The following SMIM31 variants were observed in gnomAD, a reference collection of about 807,000 sequenced individuals.
SMIM31 encodes small integral membrane protein 31.
intron 1 of SMIM31, among the ~76,000 whole-genome samples, chr4:164,757,489 T>G (rs541006966): frequency 1.3e-4 from 20 of 152,204 alleles, no homozygotes; most frequent in African/African-American, 4.1e-4. Context: ...AGTCTTTTTT[T>G]TACCATTAAG....
At chr4:164,772,732 C>G (rs866556600) in intron 2 of SMIM31, among the ~76,000 whole-genome samples, 208 of 151,830 alleles carry the variant, frequency 1.4e-3, no homozygotes, top group Middle Eastern at 0.014. Flanking sequence ...GCGCCCGCCA[C>G]CACGCCCGGC....
intron 1 of SMIM31, among the ~76,000 whole-genome samples, chr4:164,767,874 A>G (rs1393538908): frequency 6.6e-6 from 1 of 152,144 alleles, no homozygotes; most frequent in Admixed American, 6.5e-5. Context: ...TTCTACTGAC[A>G]ATTCAAAGAC....
intron 2 of SMIM31, among the ~76,000 whole-genome samples, chr4:164,773,026 C>A (rs1732832279): frequency 1.8e-5 from 1 of 56,334 alleles, no homozygotes; most frequent in Admixed American, 2.9e-4. Flanking sequence ...AGACACTTGG[C>A]TTTAAAAAAA....
At chr4:164,795,767 T>G (rs184191384) in intron 2 of SMIM31, among the ~76,000 whole-genome samples, 29 of 152,306 alleles carry the variant, frequency 1.9e-4, no homozygotes, top group African/African-American at 6.5e-4. Flanking sequence ...CAAGTATTAA[T>G]TATAATCAGT....
At chr4:164,781,937 A>T (rs1732954939) in intron 2 of SMIM31, among the ~76,000 whole-genome samples, 1 of 152,160 alleles carries the variant, frequency 6.6e-6, no homozygotes, top group Non-Finnish European at 1.5e-5. Flanking sequence ...CCACATCTTG[A>T]TGATGCGTGA....
At chr4:164,783,680 G>A (rs1355613560) in intron 2 of SMIM31, among the ~76,000 whole-genome samples, 1 of 151,904 alleles carries the variant, frequency 6.6e-6, no homozygotes, top group Non-Finnish European at 1.5e-5. Flanking sequence ...TACTTAGCAG[G>A]CTAAGGTGGG....
intron 2 of SMIM31, among the ~76,000 whole-genome samples, chr4:164,794,429 A>G (rs1267413271): frequency 6.6e-6 from 1 of 152,134 alleles, no homozygotes; most frequent in Non-Finnish European, 1.5e-5. Context: ...AAGTAGATGT[A>G]TATGTGGGGA....
At chr4:164,758,944 A>G (rs935146849) in intron 1 of SMIM31, among the ~76,000 whole-genome samples, 5 of 149,764 alleles carry the variant, frequency 3.3e-5, no homozygotes, top group African/African-American at 1.2e-4. Flanking sequence ...CTAGGATTAC[A>G]GGCATGAGCC....
chr4:164,795,461 G>A (rs1319148761), intron 2 of SMIM31, among the ~76,000 whole-genome samples: 1 of 150,092 alleles, frequency 6.7e-6, no homozygotes, highest in East Asian at 2.0e-4. Flanking sequence ...TGGAGGCTGA[G>A]GCAGAAGAAT....
At chr4:164,758,630 G>GTTTTTTTTTTTTTTTTTTTT (rs1210607914) in intron 1 of SMIM31, among the ~76,000 whole-genome samples, 1 of 96,640 alleles carries the variant, frequency 1.0e-5, no homozygotes, top group African/African-American at 4.3e-5. Context: ...TCCTTTTTTT[G>GTTTTTTTTTTTTTTTTTTTT]TTTTTTTTTT....
chr4:164,790,045 T>C (rs1180060318), intron 2 of SMIM31, among the ~76,000 whole-genome samples: 1 of 152,222 alleles, frequency 6.6e-6, no homozygotes, highest in African/African-American at 2.4e-5. Context: ...TGCCTACTTC[T>C]GTCTCACGAT....
At chr4:164,774,284 A>G (rs1486206939) in intron 2 of SMIM31, among the ~76,000 whole-genome samples, 2 of 152,192 alleles carry the variant, frequency 1.3e-5, no homozygotes, top group African/African-American at 2.4e-5. Flanking sequence ...ATATCTGGCA[A>G]TACAATACAT....
chr4:164,778,318 A>G (rs979771297), intron 2 of SMIM31, among the ~76,000 whole-genome samples: 2 of 138,334 alleles, frequency 1.4e-5, no homozygotes, highest in African/African-American at 4.9e-5. Context: ...GTACCCAGGT[A>G]AACAGATTAA....
At chr4:164,761,593 G>A (rs905707704) in intron 1 of SMIM31, among the ~76,000 whole-genome samples, 2 of 152,042 alleles carry the variant, frequency 1.3e-5, no homozygotes, top group Non-Finnish European at 2.9e-5. Context: ...ATTGCAACAG[G>A]TAATCTCCAC....
At chr4:164,754,722 G>T (rs10024484) in intron 1 of SMIM31, among the ~76,000 whole-genome samples, 87,907 of 150,732 alleles carry the variant, frequency 0.58, 26,060 homozygotes, top group Admixed American at 0.65. Context: ...ATATGTATTT[G>T]TATTTAATTC....
At chr4:164,758,801 ATTTTTTTTTTTTTTTTTTTTTTTTTTTT>A (rs35632469) in intron 1 of SMIM31, among the ~76,000 whole-genome samples, 1 of 60,908 alleles carries the variant, frequency 1.6e-5, no homozygotes, top group Non-Finnish European at 2.9e-5. Flanking sequence ...GCCCGGCCAA[ATTTTTTTTTTTTTTTTTTTTTTTTTTTT>A]TTTTTTTTTT....
chr4:164,801,394 T>C lies in SMIM31; in HGVS notation c.*200T>C. The C allele has an allele frequency of 2.7e-6, 1 of 369,686 alleles. No homozygotes were observed. Among genetic ancestry groups the C allele is most frequent in the Admixed American group, 4.6e-5 (1 of 21,868 alleles). The allele number at this position is 369,686 out of a possible 1,614,324, so 22.9% of individuals were successfully genotyped here. A position where few individuals can be genotyped will look rare whatever the true frequency, so the allele number is the denominator to read the frequency against. On this transcript the variant is annotated 3_prime_UTR_variant, in exon 3 of 3. Transcript: ENST00000507311. ...CTGGGACTCAGCATTATCCAAAATA[T>C]CTATTAAGAGCCATACACCATTCTA...
intron 1 of SMIM31, among the ~76,000 whole-genome samples, chr4:164,756,562 A>G (rs1732563919): frequency 6.8e-6 from 1 of 147,652 alleles, no homozygotes; most frequent in South Asian, 2.2e-4. Context: ...ACAGAGCGAG[A>G]CTCTGTCTCA....
rs1732785862 is a variant in SMIM31, at chr4:164,770,481, T to C, written c.38T>C (p.Ile13Thr). The C allele has an allele frequency of 2.5e-6, 1 of 399,030 alleles. No individual in the cohort carries two copies. The highest frequency in any genetic ancestry group is 2.1e-5 in the African/African-American group (1 of 48,768). The allele number at this position is 399,030 out of a possible 1,614,324, so 24.7% of individuals were successfully genotyped here. ...TACACCAACTTGGAAATGGCATTCA[T>C]TTTATTGGCTTTTGTTATCTTTTCC... Reference protein sequence around the residue: ...LPYTNLEMAFILLAFVIFSLF... With the variant: ...LPYTNLEMAFTLLAFVIFSLF... The change falls in exon 2 of 3, where the codon ATT becomes ACT. Residue 13 changes from isoleucine to threonine, a missense_variant. Ile to Thr is a moderately conservative substitution (Grantham distance 89). Transcript: ENST00000507311.
Sources: gnomAD v4.1 joint callset for allele counts (sites outside exome capture counted in the v4.1 genomes callset) on GRCh38, gnomAD v4.1.1 for gene constraint, MANE v1.5 for transcripts, NCBI Gene and HGNC (gene_info 2026-07-23, HGNC 2026-07-21) for gene names.